The following RPS6KA2 variants were observed in gnomAD, a reference collection of about 807,000 sequenced individuals.
RPS6KA2 encodes ribosomal protein S6 kinase A2.
A neutral mutation model predicts 91.8 loss-of-function variants in RPS6KA2; 42 were observed. The observed-to-expected ratio is 0.46, with a 90% CI of 0.36 to 0.59. The LOEUF (loss-of-function observed/expected upper bound fraction) is 0.59, where lower values mean the gene tolerates loss of function less well. Among genes scored for constraint, RPS6KA2 ranks in the 20% least tolerant of loss-of-function variants. RPS6KA2 has a pLI of 0.00. For missense variants in RPS6KA2, 798 were observed against 978.5 expected, an observed-to-expected ratio of 0.82 and a Z score of 2.46; for synonymous variants, 414 against 393.6, an observed-to-expected ratio of 1.05 and a Z score of -0.61.
chr6:166,627,301 A>C, upstream of RPS6KA2: 2 of 843,560 alleles, frequency 2.4e-6, no homozygotes, highest in Non-Finnish European at 2.9e-6. Context: ...CACCACTACC[A>C]CCAATCAGCG....
chr6:166,824,350 G>A (rs1053461887), intron 2 of RPS6KA2, among the ~76,000 whole-genome samples: 4 of 152,246 alleles, frequency 2.6e-5, no homozygotes. Flanking sequence ...CGACTCTCCA[G>A]ATAGCAGCCT....
At chr6:166,846,532 C>G (rs1562468765) in intron 2 of RPS6KA2, among the ~76,000 whole-genome samples, 1 of 152,094 alleles carries the variant, frequency 6.6e-6, no homozygotes, top group African/African-American at 2.4e-5. Flanking sequence ...GGTTTCATAC[C>G]AGGAATGCAG....
intron 2 of RPS6KA2, among the ~76,000 whole-genome samples, chr6:166,674,221 C>T (rs145204453): frequency 3.9e-5 from 6 of 152,312 alleles, no homozygotes; most frequent in East Asian, 1.9e-4. Flanking sequence ...CAACATAATG[C>T]ATTCAGGAAG....
At chr6:166,681,712 A>G (rs1411553261) in intron 2 of RPS6KA2, among the ~76,000 whole-genome samples, 1 of 9,768 alleles carries the variant, frequency 1.0e-4, no homozygotes, top group Admixed American at 1.2e-3. Context: ...GCCCCCGCCC[A>G]AGATCTTGCT....
intron 2 of RPS6KA2, among the ~76,000 whole-genome samples, chr6:166,835,255 C>T (rs765936675): frequency 1.3e-5 from 2 of 152,148 alleles, no homozygotes; most frequent in East Asian, 1.9e-4. Context: ...TCTTCTTTCG[C>T]AAAGTTCTTT....
intron 1 of RPS6KA2, among the ~76,000 whole-genome samples, chr6:166,560,518 G>A (rs145708314): frequency 5.1e-4 from 77 of 152,348 alleles, no homozygotes; most frequent in Middle Eastern, 3.4e-3. Flanking sequence ...TTTCGCTTAA[G>A]ATATGTGATC....
rs972607386 is a variant in RPS6KA2, at chr6:166,453,230, C to A, written c.1076-1997G>T. The stretch of plus-strand genomic sequence containing the variant: ...ACACACACACACACACACACACACA[C>A]AAAAAGGCTTTAAGACCAGCATAAG... On this transcript the variant is annotated intron_variant, in intron 12 of 20. Transcript: ENST00000265678. Among the ~76,000 whole-genome samples the A allele has an allele frequency of 4.8e-3, 698 of 146,556 alleles. 12 individuals carry two copies. Among genetic ancestry groups the A allele is most frequent in the African/African-American group, 0.016 (585 of 36,940 alleles).
At chr6:166,777,360 G>A (rs890735057) in intron 2 of RPS6KA2, among the ~76,000 whole-genome samples, 1 of 152,194 alleles carries the variant, frequency 6.6e-6, no homozygotes, top group Admixed American at 6.5e-5. Context: ...TCTGGTGCCA[G>A]GAACATGCCT....
intron 2 of RPS6KA2, among the ~76,000 whole-genome samples, chr6:166,757,055 G>A (rs902234693): frequency 2.0e-5 from 3 of 151,846 alleles, no homozygotes; most frequent in Non-Finnish European, 4.4e-5. Context: ...AAAATCTTAC[G>A]CACATTTCAC....
intron 2 of RPS6KA2, among the ~76,000 whole-genome samples, chr6:166,806,434 T>A (rs988391114): frequency 6.6e-6 from 1 of 152,182 alleles, no homozygotes; most frequent in African/African-American, 2.4e-5. Context: ...AGATTTCTCA[T>A]CAAAAACTTT....
At chr6:166,523,604 C>T (rs1782930111) in intron 3 of RPS6KA2, among the ~76,000 whole-genome samples, 1 of 152,138 alleles carries the variant, frequency 6.6e-6, no homozygotes, top group Admixed American at 6.5e-5. Flanking sequence ...GTCCTCCCCT[C>T]TTAAGAGAGG....
At chr6:166,476,817 G>C (rs1454028012) in intron 10 of RPS6KA2, among the ~76,000 whole-genome samples, 1 of 152,146 alleles carries the variant, frequency 6.6e-6, no homozygotes, top group African/African-American at 2.4e-5. Context: ...GCGAGTCCAG[G>C]GCGGGAGAGC....
At chr6:166,469,665 T>C (rs1780682559) in intron 11 of RPS6KA2, among the ~76,000 whole-genome samples, 176 bp downstream of exon 11, 1 of 152,200 alleles carries the variant, frequency 6.6e-6, no homozygotes, top group South Asian at 2.1e-4. Context: ...GCCTCCCAAG[T>C]TGCCAGCCCG....
intron 2 of RPS6KA2, among the ~76,000 whole-genome samples, chr6:166,790,687 G>C (rs549548468): frequency 6.6e-6 from 1 of 152,368 alleles, no homozygotes; most frequent in African/African-American, 2.4e-5. Context: ...CTACAAGCCA[G>C]AGGAGAGTGG....
At chr6:166,625,380 G>A (rs991320201) in intron 1 of RPS6KA2, among the ~76,000 whole-genome samples, 1 of 118,538 alleles carries the variant, frequency 8.4e-6, no homozygotes, top group Non-Finnish European at 1.6e-5. Context: ...AGGCACGCCT[G>A]CAGCCCAGCC....
rs111317519 is a variant in RPS6KA2, at chr6:166,449,632, A to G, written c.1207-783T>C. Among the ~76,000 whole-genome samples the G allele has an allele frequency of 4.4e-3, 674 of 152,238 alleles. 5 individuals are homozygous for G. Among genetic ancestry groups the G allele is most frequent in the African/African-American group, 0.015 (637 of 41,524 alleles). ...TACCCTAGGGTCCTGGCTGGGCTCC[A>G]CACAGTGAAGATGCTCCAGTCTCTG... On this transcript the variant is annotated intron_variant, in intron 13 of 20. Transcript: ENST00000265678.
chr6:166,656,414 G>A (rs62438673), intron 2 of RPS6KA2, among the ~76,000 whole-genome samples: 17,193 of 152,182 alleles, frequency 0.11, 1,052 homozygotes, highest in South Asian at 0.17. Context: ...GGGCGGGGGT[G>A]GAACTCGGTT....
At chr6:166,596,177 A>G (rs1785526829) in intron 1 of RPS6KA2, among the ~76,000 whole-genome samples, 1 of 152,248 alleles carries the variant, frequency 6.6e-6, no homozygotes, top group South Asian at 2.1e-4. Flanking sequence ...CATGGGGAAG[A>G]TAGGCGGTAA....
At chr6:166,586,065 A>C (rs552287284) in intron 1 of RPS6KA2, 1 of 969,336 alleles carries the variant, frequency 1.0e-6, no homozygotes, top group East Asian at 2.7e-5. Context: ...AAGACACCCA[A>C]ACTTTTCTCA....
Sources: allele counts gnomAD v4.1 joint callset (sites outside exome capture counted in the v4.1 genomes callset), GRCh38; gene constraint gnomAD v4.1.1; transcripts MANE v1.5; gene names NCBI Gene and HGNC (gene_info 2026-07-23, HGNC 2026-07-21).